SPNS1: variants seen among roughly 807,000 people sequenced by gnomAD.
SPNS1 encodes SPNS lysolipid transporter 1, lysophospholipid, also known as protein spinster homolog 1.
A neutral mutation model predicts 50.3 loss-of-function variants in SPNS1; 22 were observed. That is an observed-to-expected ratio of 0.44 (90% CI 0.31 to 0.62). The LOEUF (loss-of-function observed/expected upper bound fraction) is 0.62. Among genes scored for constraint, SPNS1 ranks in the 20% least tolerant of loss-of-function variants. SPNS1 has a pLI of 0.07. For synonymous variants in SPNS1, 295 were observed against 317.4 expected, an observed-to-expected ratio of 0.93 and a Z score of 0.75; for missense variants, 576 against 728.6, an observed-to-expected ratio of 0.79 and a Z score of 2.41.
In SPNS1 at chr16:28,983,287, C is replaced by T; in HGVS notation, c.1317C>T (p.Gly439=). The part of the protein sequence containing the change: ...LGDAGSPYLI[G]LISDRLRRNW... ...ATGCTGGGAGCCCCTACCTCATTGG[C>T]CTGGTGAGCATTATTTCTTGGCTGG... Residue 439 remains glycine, a synonymous_variant, in exon 10 of 12, where the codon GGC becomes GGT. Transcript: ENST00000311008. This position sits in a 1 kb window ranked among gnomAD's most constrained non-coding sequence, Gnocchi z 5.4. 1 of 1,613,486 alleles carries T rather than the reference C, an allele frequency of 6.2e-7. No individual in the cohort carries two copies. Among genetic ancestry groups the T allele is most frequent in the Non-Finnish European group, 8.5e-7 (1 of 1,179,426 alleles).
At position 28,975,102 on chromosome 16, in the gene SPNS1, TG is replaced by T. The variant is rs1965288771; in HGVS notation, c.-47del. 6.9e-7 allele frequency: 1 copy of T among 1,454,872 alleles called. No homozygotes were observed. The highest frequency in any genetic ancestry group is 1.4e-5 in the African/African-American group (1 of 70,144). The allele number at this position is 1,454,872 out of a possible 1,614,324, so 90.1% of individuals were successfully genotyped here. On this transcript the variant is annotated 5_prime_UTR_variant, in exon 1 of 12. Coordinates refer to ENST00000311008, the MANE Select transcript of SPNS1 (RefSeq NM_032038.3). Reference sequence around the variant, plus strand: ...TTCTCCAGCCTCCTCCCCTCGCAGGTGGGATCGTCGGTGGGACCGGAGCGCG... The same window carrying T: ...TTCTCCAGCCTCCTCCCCTCGCAGGTGGATCGTCGGTGGGACCGGAGCGCG...
chr16:28,977,992 G>C lies in SPNS1; in HGVS notation c.392G>C (p.Gly131Ala), dbSNP rs1358148472. The change falls in exon 3 of 12, where the codon GGC becomes GCC. Residue 131 changes from glycine to alanine, a missense_variant. By Grantham distance (60) the Gly-to-Ala change is moderately conservative. This residue lies in a region of SPNS1 where 144 missense variants were observed against 181.2 expected (regional missense o/e 0.79). Transcript: ENST00000311008. Reference sequence around the variant, plus strand: ...AATCGGAAGTATCTCATGTGCGGGGGCATTGCCTTCTGGTCCCTGGTGACA... The same window carrying C: ...AATCGGAAGTATCTCATGTGCGGGGCCATTGCCTTCTGGTCCCTGGTGACA... ...RYNRKYLMCG[G>A]IAFWSLVTLG... 6.2e-7 allele frequency: 1 copy of C among 1,613,884 alleles called. No individual in the cohort carries two copies. Among genetic ancestry groups the C allele is most frequent in the Admixed American group, 1.7e-5 (1 of 59,986 alleles).
chr16:28,978,566 C>T (rs1435957734), intron 3 of SPNS1: 1 of 159,248 alleles, frequency 6.3e-6, no homozygotes, highest in Non-Finnish European at 1.4e-5. Context: ...TGCTAGGAGC[C>T]TCTGGCACTG....
At chr16:28,979,100 G>T (rs1317854337) in intron 3 of SPNS1, 55 bp from the exon 4 acceptor site, 2 of 1,581,176 alleles carry the variant, frequency 1.3e-6, no homozygotes, top group Non-Finnish European at 1.7e-6. Context: ...TGGTGAGGTA[G>T]CCCGGAGGCT....
chr16:28,984,508 G>A lies in SPNS1; in HGVS notation c.*209G>A, dbSNP rs1480955186. The A allele has an allele frequency of 6.0e-6, 4 of 662,814 alleles. No individual in the cohort carries two copies. The highest frequency in any genetic ancestry group is 2.7e-5 in the East Asian group (1 of 36,954). 41.1% of individuals were successfully genotyped at this position (662,814 alleles called of 1,614,324 possible). A position where few individuals can be genotyped will look rare whatever the true frequency, so the allele number is the denominator to read the frequency against. On this transcript the variant is annotated 3_prime_UTR_variant, in exon 12 of 12. Transcript: ENST00000311008. ...TCCACAGGGGCAGCCCCAAGGGCTC[G>A]GTGCTATTTGTAACGGAATAAAATT... is the stretch of plus-strand genomic sequence containing the variant.
chr16:28,982,007 G>A lies in SPNS1; in HGVS notation c.916G>A (p.Gly306Arg). Reference sequence around the variant, plus strand: ...CCTGCTGCGTTCCCGCGTGGTCCTTGGGGAGACCCCACCCTGCCTTCCCGG... The same window carrying A: ...CCTGCTGCGTTCCCGCGTGGTCCTTAGGGAGACCCCACCCTGCCTTCCCGG... ...AFLLRSRVVL[G>R]ETPPCLPGDS... Residue 306 changes from glycine to arginine, a missense_variant, in exon 7 of 12, where the codon GGG (glycine) becomes AGG (arginine). By Grantham distance (125) the Gly-to-Arg change is moderately radical. Around this residue, in one of 3 missense-constraint regions of SPNS1, gnomAD observed 428 missense variants for 520.1 expected, o/e 0.82. Coordinates refer to ENST00000311008, the MANE Select transcript of SPNS1 (RefSeq NM_032038.3). 6.2e-7 allele frequency: 1 copy of A among 1,614,170 alleles called. No homozygotes were observed. Among genetic ancestry groups the A allele is most frequent in the African/African-American group, 1.3e-5 (1 of 75,042 alleles).
intron 5 of SPNS1, 170 bp downstream of exon 5, chr16:28,979,641 C>T (rs1965474747): frequency 1.4e-6 from 1 of 692,856 alleles, no homozygotes. Context: ...GCCTGGAACG[C>T]CTGAGCTCAA....
intron 4 of SPNS1, 21 bp from the exon 5 acceptor site, chr16:28,979,384 T>TC: frequency 6.2e-7 from 1 of 1,614,028 alleles, no homozygotes; most frequent in Non-Finnish European, 8.5e-7. Flanking sequence ...CCCCCCTTTT[T>TC]CCCCTCTCTC....
At chr16:28,976,947 A>G (rs527747128) in intron 2 of SPNS1, among the ~76,000 whole-genome samples, 1 of 152,368 alleles carries the variant, frequency 6.6e-6, no homozygotes, top group South Asian at 2.1e-4. Context: ...AGCTGATAGT[A>G]CGCTATGCAT....
rs1567527000 is a variant in SPNS1, at chr16:28,983,080, C to A, written c.1222-112C>A. 19 of 1,201,862 alleles carry A rather than the reference C, an allele frequency of 1.6e-5. No homozygotes were observed. In the Admixed American group the frequency reaches 3.4e-4, roughly 21 times the overall value. The allele number at this position is 1,201,862 out of a possible 1,614,324, so 74.4% of individuals were successfully genotyped here. ...CCCGGCCTGCCCTGCGACCTCAACC[C>A]CAGGCACACCTCTGACCCCGGCCTA... On this transcript the variant is annotated intron_variant, in intron 9 of 11. Transcript: ENST00000311008. This position sits in a 1 kb window ranked among gnomAD's most constrained non-coding sequence, Gnocchi z 5.4.
Position 28,981,608 on chromosome 16 carries a change from G to A in SPNS1, c.802G>A (p.Ala268Thr). The A allele has an allele frequency of 6.2e-7, 1 of 1,613,992 alleles. No homozygotes were observed. Among genetic ancestry groups the A allele is most frequent in the African/African-American group, 1.3e-5 (1 of 75,038 alleles). ...GTGGTGGGCAGATCTGAGGGCTCTG[G>A]CAAGAAAGTGAGTTTATTCCCACCC... ...TSWWADLRAL[A>T]RNPSFVLSSL... Residue 268 changes from alanine (A) to threonine (T), a missense_variant, in exon 6 of 12, where the codon GCA (alanine) becomes ACA (threonine). Transcript: ENST00000311008. This position sits in a 1 kb window ranked among gnomAD's most constrained non-coding sequence, Gnocchi z 4.2.
downstream of SPNS1, chr16:28,984,736 C>A: frequency 1.2e-6 from 1 of 859,328 alleles, no homozygotes; most frequent in Non-Finnish European, 1.9e-6. Flanking sequence ...GAGTCACGCC[C>A]CTGCTTCCCT....
intron 8 of SPNS1, 44 bp downstream of exon 8, chr16:28,982,589 G>T: frequency 6.4e-7 from 1 of 1,557,304 alleles, no homozygotes; most frequent in Non-Finnish European, 8.7e-7. Context: ...TGGGTCCAGG[G>T]TGGAGGAGCA....
intron 5 of SPNS1, chr16:28,980,099 G>C (rs1567523836): frequency 6.6e-6 from 1 of 152,228 alleles, no homozygotes; most frequent in Admixed American, 6.5e-5. Flanking sequence ...GCTGAGGTGG[G>C]CGGATCACCT....
chr16:28,976,422 T>C (rs944623887), intron 2 of SPNS1, among the ~76,000 whole-genome samples: 1 of 152,216 alleles, frequency 6.6e-6, no homozygotes, highest in African/African-American at 2.4e-5. Context: ...TCTCAACCAT[T>C]TCTGAGTACT....
intron 5 of SPNS1, chr16:28,979,687 A>G: frequency 1.8e-6 from 1 of 569,666 alleles, no homozygotes; most frequent in Non-Finnish European, 3.1e-6. Flanking sequence ...AGTAGCTGGG[A>G]CTATAGGTGC....
At chr16:28,982,679 C>A (rs1965595657) in intron 8 of SPNS1, 134 bp downstream of exon 8, 5 of 1,273,740 alleles carry the variant, frequency 3.9e-6, no homozygotes, top group Non-Finnish European at 5.5e-6. Context: ...TGACATTGGA[C>A]AAGTGACTTA....
In SPNS1 at chr16:28,975,226, G is replaced by T; in HGVS notation, c.75G>T (p.Pro25=). ...DPDDGPVPGT[P]GLPGSTGNPK... is the part of the protein sequence containing the mutation. The stretch of plus-strand genomic sequence containing the variant: ...ACGACGGGCCAGTGCCTGGCACCCC[G>T]GGGTTGCCAGGGTCCACGGGGAACC... The change falls in exon 1 of 12, where the codon CCG becomes CCT. Residue 25 remains proline, a synonymous_variant. Transcript: ENST00000311008. 1 of 1,518,994 alleles carries T rather than the reference G, an allele frequency of 6.6e-7. No individual in the cohort carries two copies. 94.1% of individuals were successfully genotyped at this position (1,518,994 alleles called of 1,614,324 possible).
At chr16:28,982,612 G>A in intron 8 of SPNS1, 67 bp downstream of exon 8, 1 of 1,500,990 alleles carries the variant, frequency 6.7e-7, no homozygotes, top group South Asian at 1.2e-5. Context: ...CAGCGTAATG[G>A]CCACTCGAGG....
Sources: gnomAD v4.1 joint callset for allele counts (sites outside exome capture counted in the v4.1 genomes callset) on GRCh38, gnomAD v4.1.1 for gene constraint, gnomAD v4.1.1 regional missense constraint, Gnocchi (gnomAD v3.1) non-coding constraint, MANE v1.5 for transcripts, NCBI Gene and HGNC (gene_info 2026-07-23, HGNC 2026-07-21) for gene names.